The following ME1 variants were observed in gnomAD, a reference collection of about 807,000 sequenced individuals.
The protein encoded by ME1 is malic enzyme 1, also known as NADP-dependent malic enzyme.
Under a neutral mutation model 66.4 loss-of-function variants are expected in ME1, and 74 were observed. That is an observed-to-expected ratio of 1.11 (90% confidence interval 0.92 to 1.35). The LOEUF (loss-of-function observed/expected upper bound fraction) is 1.35. Ranked by LOEUF, ME1 falls within the 40% of genes most tolerant of loss-of-function variation. The probability of loss-of-function intolerance (pLI) is 0.00; values close to 1 mark genes in which losing one functional copy is unlikely to be tolerated. For synonymous variants in ME1, 251 were observed against 235.6 expected, an observed-to-expected ratio of 1.07 and a Z score of -0.60; for missense variants, 750 against 694.1, an observed-to-expected ratio of 1.08 and a Z score of -0.90.
At chr6:83,235,725 G>C (rs1790388942) in intron 9 of ME1, among the ~76,000 whole-genome samples, 1 of 152,086 alleles carries the variant, frequency 6.6e-6, no homozygotes, top group African/African-American at 2.4e-5. Flanking sequence ...ACCCGCCTCG[G>C]CCTCCCAAAG....
rs572934710 is a variant in ME1 at position 83,355,208 on chromosome 6, GA to G, written c.363-3070del. 4.6e-3 allele frequency among the ~76,000 whole-genome samples: 694 copies of G among 152,216 alleles called. 2 individuals carry two copies. Among genetic ancestry groups the G allele is most frequent in the African/African-American group, 0.015 (637 of 41,552 alleles). On this transcript the variant is annotated intron_variant, in intron 3 of 13. Coordinates refer to ENST00000369705, the MANE Select transcript of ME1 (RefSeq NM_002395.6). ...TTAAAATATTTTTGAACTTTTTAAA[GA>G]AGGCACTTTTGTTGAATTACTAAGA...
At chr6:83,413,727 G>A (rs1040749191) in intron 1 of ME1, among the ~76,000 whole-genome samples, 1 of 152,030 alleles carries the variant, frequency 6.6e-6, no homozygotes, top group African/African-American at 2.4e-5. Flanking sequence ...TTCTACTGAA[G>A]GGTTCCTTCC....
intron 13 of ME1, among the ~76,000 whole-genome samples, 193 bp downstream of exon 13, chr6:83,216,305 C>T (rs1234666726): frequency 1.3e-5 from 2 of 152,194 alleles, no homozygotes; most frequent in African/African-American, 4.8e-5. Flanking sequence ...CGGCCCAATA[C>T]TTCCATTCTT....
At chr6:83,388,419 C>A (rs970179312) in intron 3 of ME1, among the ~76,000 whole-genome samples, 1 of 152,092 alleles carries the variant, frequency 6.6e-6, no homozygotes, top group Non-Finnish European at 1.5e-5. Context: ...CTCAAATATT[C>A]CAATATTCTG....
chr6:83,253,484 T>C, intron 7 of ME1, 145 bp downstream of exon 7: 1 of 485,184 alleles, frequency 2.1e-6, no homozygotes, highest in Non-Finnish European at 3.7e-6. Flanking sequence ...TGCAACTAGA[T>C]GAGAAATAGT....
At chr6:83,306,320 A>G (rs1357774968) in intron 6 of ME1, among the ~76,000 whole-genome samples, 1 of 152,036 alleles carries the variant, frequency 6.6e-6, no homozygotes, top group Non-Finnish European at 1.5e-5. Flanking sequence ...AACATGGTAT[A>G]CAGATTATTT....
intron 5 of ME1, among the ~76,000 whole-genome samples, chr6:83,324,251 G>C (rs1177076443): frequency 6.6e-6 from 1 of 151,532 alleles, no homozygotes; most frequent in Admixed American, 6.6e-5. Context: ...ATCTAAAATT[G>C]ACACCCTAAC....
At chr6:83,371,025 A>G in intron 3 of ME1, among the ~76,000 whole-genome samples, 1 of 152,178 alleles carries the variant, frequency 6.6e-6, no homozygotes, top group Non-Finnish European at 1.5e-5. Context: ...CCCAATGTTC[A>G]CATGAAATTT....
intron 1 of ME1, among the ~76,000 whole-genome samples, chr6:83,418,662 CATT>C (rs976926781): frequency 1.1e-4 from 17 of 152,174 alleles, no homozygotes; most frequent in African/African-American, 3.1e-4. Flanking sequence ...TCACAGATAT[CATT>C]GAGTGAATGC....
chr6:83,260,486 T>C (rs1766862515), intron 6 of ME1, among the ~76,000 whole-genome samples: 1 of 152,172 alleles, frequency 6.6e-6, no homozygotes, highest in Admixed American at 6.5e-5. Context: ...ATTCATGTTA[T>C]GGGGGTTTGT....
rs182004053 is a variant in ME1, at chr6:83,304,480, A to C, written c.704+10830T>G. Reference sequence around the variant, plus strand: ...TTCCATCTAAATTTCGACACATCTCAATCTAACAATATTGGTCAACAAAAC... The same window carrying C: ...TTCCATCTAAATTTCGACACATCTCCATCTAACAATATTGGTCAACAAAAC... On this transcript the variant is annotated intron_variant, in intron 6 of 13. Transcript: ENST00000369705. Among the ~76,000 whole-genome samples the C allele has an allele frequency of 3.3e-5, 5 of 152,314 alleles. No individual in the cohort carries two copies. The East Asian group carries it at 5.8e-4, about 18-fold the overall frequency.
chr6:83,367,220 A>G (rs956765961), intron 3 of ME1, among the ~76,000 whole-genome samples: 1 of 152,188 alleles, frequency 6.6e-6, no homozygotes, highest in Non-Finnish European at 1.5e-5. Context: ...ACAGTAAATC[A>G]TGCTGTAAAC....
chr6:83,375,692 C>T (rs945927723), intron 3 of ME1, among the ~76,000 whole-genome samples: 4 of 152,152 alleles, frequency 2.6e-5, no homozygotes, highest in African/African-American at 9.7e-5. Flanking sequence ...GGGAATGCTT[C>T]CAGCTTTTGT....
intron 5 of ME1, among the ~76,000 whole-genome samples, chr6:83,339,991 A>AAAAAAG (rs1562484783): frequency 6.8e-6 from 1 of 147,944 alleles, no homozygotes; most frequent in Non-Finnish European, 1.5e-5. Context: ...AGAAAAGAAA[A>AAAAAAG]GAAATGTGAA....
intron 5 of ME1, among the ~76,000 whole-genome samples, chr6:83,322,791 A>G (rs147891403): frequency 6.6e-5 from 10 of 152,344 alleles, no homozygotes; most frequent in South Asian, 2.1e-4. Context: ...ACTCAAATTC[A>G]GGAAATACAG....
intron 3 of ME1, among the ~76,000 whole-genome samples, chr6:83,370,013 A>C (rs1769167430): frequency 1.3e-5 from 2 of 152,194 alleles, no homozygotes; most frequent in South Asian, 4.1e-4. Flanking sequence ...AGAAAAAGAT[A>C]ATAGTTCTTA....
rs139121021 is a variant in ME1 at position 83,211,957 on chromosome 6, C to T, written c.1686G>A (p.Glu562=). 9.7e-5 allele frequency: 156 copies of T among 1,605,224 alleles called. 1 individual carries two copies. The highest frequency in any genetic ancestry group is 6.1e-4 in the Admixed American group (36 of 59,482). Residue 562 remains glutamate (E), a synonymous_variant, in exon 14 of 14, where the codon GAG becomes GAA. Coordinates refer to ENST00000369705, the MANE Select transcript of ME1 (RefSeq NM_002395.6). ...CAACTTTGGTCTGTATTTTCTGCACCTCTTCAGGCCAAGAATAACAATCAG... is the reference window on the plus strand; with the variant it reads ...CAACTTTGGTCTGTATTTTCTGCACTTCTTCAGGCCAAGAATAACAATCAG... ...ILPDCYSWPE[E]VQKIQTKVDQ
chr6:83,293,209 T>G (rs1583361897), intron 6 of ME1, among the ~76,000 whole-genome samples: 1 of 152,288 alleles, frequency 6.6e-6, no homozygotes, highest in South Asian at 2.1e-4. Flanking sequence ...AATGCAGAAA[T>G]CACCCATCTT....
chr6:83,262,469 A>T (rs1766917076), intron 6 of ME1, among the ~76,000 whole-genome samples: 1 of 152,204 alleles, frequency 6.6e-6, no homozygotes, highest in Non-Finnish European at 1.5e-5. Context: ...TAAATACCTC[A>T]TCTCCAACCT....
Sources: allele counts gnomAD v4.1 joint callset (sites outside exome capture counted in the v4.1 genomes callset), GRCh38; gene constraint gnomAD v4.1.1; transcripts MANE v1.5; gene names NCBI Gene and HGNC (gene_info 2026-07-23, HGNC 2026-07-21).